Variants in CDH4 observed in about 807,000 individuals in gnomAD.
The protein encoded by CDH4 is cadherin 4.
A neutral mutation model predicts 86.0 loss-of-function variants in CDH4; 33 were observed. That is an observed-to-expected ratio of 0.38 (90% CI 0.29 to 0.51). The LOEUF is 0.51. Ranked by LOEUF, CDH4 falls within the 20% of genes least tolerant of loss-of-function variation. The pLI is 0.86. For synonymous variants in CDH4, 555 were observed against 549.4 expected (o/e 1.01, Z -0.14); for missense variants, 1,114 against 1,307.4 (o/e 0.85, Z 2.28).
At position 61,394,888 on chromosome 20, in the gene CDH4, C is replaced by T. The variant is rs960546602; in HGVS notation, c.169+139951C>T. ...CCATGGGGCTGTGAGCCCTCACAACCCTGCCCCTGTCACCCCCACCCCGCC... is the reference window on the plus strand; with the variant it reads ...CCATGGGGCTGTGAGCCCTCACAACTCTGCCCCTGTCACCCCCACCCCGCC... On this transcript the variant is annotated intron_variant, in intron 2 of 15. Coordinates refer to ENST00000614565, the MANE Select transcript of CDH4 (RefSeq NM_001794.5). Among the ~76,000 whole-genome samples, 3 of 137,974 alleles carry T rather than the reference C, an allele frequency of 2.2e-5. No homozygotes were observed. In the Admixed American group the frequency reaches 2.4e-4, roughly 11 times the overall value. The allele number at this position is 137,974 out of a possible 152,430, so 90.5% of individuals were successfully genotyped here.
chr20:61,561,414 C>G (rs1411903870), intron 2 of CDH4, among the ~76,000 whole-genome samples: 1 of 152,240 alleles, frequency 6.6e-6, no homozygotes, highest in Non-Finnish European at 1.5e-5. Context: ...TGCTCCCAGC[C>G]ACATGGCGGG....
chr20:61,349,452 G>A (rs1402802020), intron 2 of CDH4, among the ~76,000 whole-genome samples: 1 of 152,242 alleles, frequency 6.6e-6, no homozygotes, highest in African/African-American at 2.4e-5. Context: ...GCCCACTTGA[G>A]GCGTGAGCCA....
At chr20:61,757,191 G>A (rs938189747) in intron 3 of CDH4, among the ~76,000 whole-genome samples, 11 of 152,064 alleles carry the variant, frequency 7.2e-5, no homozygotes, top group Admixed American at 2.0e-4. Context: ...AGCAGAGCGT[G>A]TATTGGTATC....
intron 2 of CDH4, among the ~76,000 whole-genome samples, chr20:61,312,140 G>T (rs1319644485): frequency 6.7e-6 from 1 of 149,432 alleles, no homozygotes; most frequent in Non-Finnish European, 1.5e-5. Flanking sequence ...TGTGTGTGTG[G>T]TGTGTGCATG....
At chr20:61,539,492 C>G (rs1017826156) in intron 2 of CDH4, among the ~76,000 whole-genome samples, 1 of 152,296 alleles carries the variant, frequency 6.6e-6, no homozygotes, top group African/African-American at 2.4e-5. Context: ...TGTCTGTGTC[C>G]TCACCTCCTC....
intron 2 of CDH4, among the ~76,000 whole-genome samples, chr20:61,278,916 A>C (rs557339787): frequency 2.8e-4 from 43 of 152,316 alleles, no homozygotes; most frequent in Non-Finnish European, 1.3e-4. Flanking sequence ...TACTGGGGAG[A>C]TTCATGATTG....
chr20:61,296,262 C>T lies in CDH4; in HGVS notation c.169+41325C>T, dbSNP rs867171185. 5.6e-3 allele frequency among the ~76,000 whole-genome samples: 249 copies of T among 44,544 alleles called. 5 individuals are homozygous for T. Among genetic ancestry groups the T allele is most frequent in the Middle Eastern group, 0.014 (1 of 74 alleles). The allele number at this position is 44,544 out of a possible 152,430, so 29.2% of individuals were successfully genotyped here. ...GTGTGTATGTGTGTGTGCATGTGTGCGTGTGTGTGTGTGCGTGGGTGCGTG... is the reference window on the plus strand; with the variant it reads ...GTGTGTATGTGTGTGTGCATGTGTGTGTGTGTGTGTGTGCGTGGGTGCGTG... On this transcript the variant is annotated intron_variant, in intron 2 of 15. Transcript: ENST00000614565.
At chr20:61,783,877 GA>G (rs1382461953) in intron 4 of CDH4, among the ~76,000 whole-genome samples, 26 of 22,866 alleles carry the variant, frequency 1.1e-3, no homozygotes, top group African/African-American at 2.0e-3. Context: ...GCCCCCAAGA[GA>G]AATGTAATCC....
At chr20:61,511,267 C>T (rs1324486014) in intron 2 of CDH4, among the ~76,000 whole-genome samples, 2 of 152,220 alleles carry the variant, frequency 1.3e-5, no homozygotes, top group African/African-American at 4.8e-5. Flanking sequence ...GTCAGCCCCA[C>T]TTCACACCAC....
chr20:61,658,485 C>T lies in CDH4; in HGVS notation c.170-85078C>T, dbSNP rs560597994. On this transcript the variant is annotated intron_variant, in intron 2 of 15. Coordinates refer to ENST00000614565, the MANE Select transcript of CDH4 (RefSeq NM_001794.5). ...TTGGGGTGCTCTGATCTATAGGCTC[C>T]GGGTGGGATGAGTGTCCAGGGTAGG... Among the ~76,000 whole-genome samples, 11 of 152,310 alleles carry T rather than the reference C, an allele frequency of 7.2e-5. No homozygotes were observed. The South Asian group carries it at 1.4e-3, about 20-fold the overall frequency.
intron 2 of CDH4, among the ~76,000 whole-genome samples, chr20:61,272,850 C>T (rs748914274): frequency 2.9e-4 from 33 of 114,016 alleles, no homozygotes; most frequent in Admixed American, 1.3e-3. Flanking sequence ...GAGCACCATA[C>T]GCAGTTTGGG....
chr20:61,391,427 T>C (rs2084985023), intron 2 of CDH4, among the ~76,000 whole-genome samples: 1 of 152,176 alleles, frequency 6.6e-6, no homozygotes. Context: ...TAGATGAGAA[T>C]GTCCACCACC....
At chr20:61,570,626 G>A (rs2086334714) in intron 2 of CDH4, 1 of 702,066 alleles carries the variant, frequency 1.4e-6, no homozygotes, top group South Asian at 1.5e-5. Context: ...TTGGGAATGG[G>A]ACAGACAATT....
At chr20:61,310,943 G>T (rs2084442102) in intron 2 of CDH4, among the ~76,000 whole-genome samples, 1 of 152,150 alleles carries the variant, frequency 6.6e-6, no homozygotes. Flanking sequence ...GCCACGTTCT[G>T]TGGTACTGGG....
chr20:61,834,587 G>C (rs1981780616), intron 4 of CDH4, among the ~76,000 whole-genome samples: 1 of 152,184 alleles, frequency 6.6e-6, no homozygotes, highest in African/African-American at 2.4e-5. Flanking sequence ...TATCAATGAA[G>C]GTTTTCTGAC....
rs371016712 is a variant in CDH4, at chr20:61,583,848, G to T, written c.170-159715G>T. 3.9e-5 allele frequency among the ~76,000 whole-genome samples: 6 copies of T among 152,334 alleles called. No individual in the cohort carries two copies. The South Asian group carries it at 1.0e-3, about 26-fold the overall frequency. On this transcript the variant is annotated intron_variant, in intron 2 of 15. Transcript: ENST00000614565. ...GTACAGCCACACACTCCTTCAAGAT[G>T]ACAGAGTGACTTTTAAAATATTCAC...
At chr20:61,805,845 T>C (rs1023913343) in intron 4 of CDH4, among the ~76,000 whole-genome samples, 1 of 152,174 alleles carries the variant, frequency 6.6e-6, no homozygotes, top group Non-Finnish European at 1.5e-5. Context: ...CAAAGCAGAT[T>C]TAATTTAGAA....
At chr20:61,650,725 T>A (rs1367790100) in intron 2 of CDH4, among the ~76,000 whole-genome samples, 1 of 152,228 alleles carries the variant, frequency 6.6e-6, no homozygotes, top group Non-Finnish European at 1.5e-5. Context: ...ATTTCCATAC[T>A]TAAAGGTAAC....
chr20:61,880,473 G>A (rs922056451), intron 7 of CDH4, among the ~76,000 whole-genome samples: 10 of 152,104 alleles, frequency 6.6e-5, no homozygotes, highest in African/African-American at 2.4e-4. Flanking sequence ...TCTCCCCTCC[G>A]CCCCCTCCCA....
Sources: allele counts gnomAD v4.1 joint callset (sites outside exome capture counted in the v4.1 genomes callset), GRCh38; gene constraint gnomAD v4.1.1; transcripts MANE v1.5; gene names NCBI Gene and HGNC (gene_info 2026-07-23, HGNC 2026-07-21).